RANBP2: variants seen among roughly 807,000 people sequenced by gnomAD.
RANBP2 encodes E3 SUMO-protein ligase RanBP2.
In RANBP2, 57 loss-of-function variants were observed where a neutral mutation model predicts 303.6. That is an observed-to-expected ratio of 0.19 (90% CI 0.15 to 0.23). RANBP2 has a LOEUF of 0.23. Among genes scored for constraint, RANBP2 ranks in the 10% least tolerant of loss-of-function variants. The pLI is 1.00. For synonymous variants in RANBP2, 1,167 were observed against 1,301.5 expected (o/e 0.90, Z 2.23); for missense variants, 3,138 against 3,780.8 (o/e 0.83, Z 4.46).
chr2:108,871,423 T>G, the RANBP2 span, among the ~76,000 whole-genome samples: 1 of 148,370 alleles, frequency 6.7e-6, no homozygotes. Flanking sequence ...CATGATGGTG[T>G]GTGCCTGTAA....
chr2:109,330,505 G>T, the RANBP2 span, among the ~76,000 whole-genome samples: 3 of 152,176 alleles, frequency 2.0e-5, no homozygotes, highest in African/African-American at 7.2e-5. Context: ...GGGGCAGGGG[G>T]TGTCCCCCCT....
the RANBP2 span, among the ~76,000 whole-genome samples, chr2:109,203,221 A>G: frequency 6.6e-6 from 1 of 152,200 alleles, no homozygotes; most frequent in African/African-American, 2.4e-5. Context: ...GAGAGCCAGG[A>G]GCCTCTTCAG....
At chr2:108,873,982 ATATT>A in the RANBP2 span, among the ~76,000 whole-genome samples, 2 of 152,190 alleles carry the variant, frequency 1.3e-5, no homozygotes, top group African/African-American at 4.8e-5. Flanking sequence ...CTAAGACCAC[ATATT>A]TAGTGACAGA....
chr2:109,615,647 C>T, the RANBP2 span: 1 of 1,613,814 alleles, frequency 6.2e-7, no homozygotes, highest in East Asian at 2.2e-5. Context: ...GTCGGAGCAT[C>T]GCCGAGGAGA....
the RANBP2 span, among the ~76,000 whole-genome samples, chr2:109,442,731 C>T: frequency 6.6e-6 from 1 of 151,772 alleles, no homozygotes; most frequent in Non-Finnish European, 1.5e-5. Context: ...AGCAAATAAG[C>T]TAAAAGGGAA....
At chr2:108,975,119 CCTGT>C in the RANBP2 span, among the ~76,000 whole-genome samples, 17 of 152,280 alleles carry the variant, frequency 1.1e-4, no homozygotes, top group East Asian at 3.1e-3. Context: ...CAGCAGGGAC[CCTGT>C]CTGAGGGTGC....
the RANBP2 span, among the ~76,000 whole-genome samples, chr2:109,526,418 G>A: frequency 3.9e-5 from 6 of 152,084 alleles, no homozygotes; most frequent in South Asian, 4.1e-4. Flanking sequence ...AGCAATTCTC[G>A]TGCCTCAGCC....
chr2:109,078,244 CGTGTAT>C, the RANBP2 span, among the ~76,000 whole-genome samples: 814 of 11,548 alleles, frequency 0.07, 183 homozygotes, highest in East Asian at 0.17. Context: ...ATATATATAG[CGTGTAT>C]ATATATATAT....
intron 2 of RANBP2, 137 bp from the exon 3 acceptor site, chr2:108,730,637 C>T: frequency 8.2e-7 from 1 of 1,220,910 alleles, no homozygotes. Flanking sequence ...TCTGAGTTAT[C>T]TGTATGAATA....
At chr2:108,872,996 G>C in the RANBP2 span, among the ~76,000 whole-genome samples, 1 of 151,956 alleles carries the variant, frequency 6.6e-6, no homozygotes, top group Non-Finnish European at 1.5e-5. Flanking sequence ...ATGCTCCAAA[G>C]GTTCTTCCTT....
chr2:108,736,300 T>C (rs1695581387), intron 6 of RANBP2, 51 bp downstream of exon 6: 2 of 1,611,862 alleles, frequency 1.2e-6, no homozygotes, highest in African/African-American at 1.3e-5. Flanking sequence ...GTTTTTCTTT[T>C]TGCAGTAAGT....
the RANBP2 span, among the ~76,000 whole-genome samples, chr2:109,627,554 A>G: frequency 0.39 from 59,655 of 152,156 alleles, 12,838 homozygotes; most frequent in Middle Eastern, 0.57. Context: ...TACATTCTGT[A>G]TATATAATGA....
At chr2:108,786,757 G>T, downstream of RANBP2, 7 of 1,446,446 alleles carry the variant, frequency 4.8e-6, no homozygotes, top group Non-Finnish European at 6.7e-6. Flanking sequence ...GACGCACTGC[G>T]GCCGCGTAGC....
chr2:109,546,201 G>A, the RANBP2 span: 8 of 1,602,612 alleles, frequency 5.0e-6, no homozygotes, highest in Admixed American at 1.4e-4. Flanking sequence ...CTCTCTTCTT[G>A]GTGAAGTCTC....
chr2:108,891,036 C>A, the RANBP2 span, among the ~76,000 whole-genome samples: 1 of 152,028 alleles, frequency 6.6e-6, no homozygotes, highest in Non-Finnish European at 1.5e-5. Context: ...AAATCTATCT[C>A]TTTGATAAAT....
Position 108,719,691 on chromosome 2 carries a change from C to T in RANBP2, c.72+13C>T, listed in dbSNP as rs539100739. 3.1e-6 allele frequency: 5 copies of T among 1,594,252 alleles called. No individual in the cohort carries two copies. Among genetic ancestry groups the T allele is most frequent in the South Asian group, 1.1e-5 (1 of 88,310 alleles). ...GTCGCCTCGACAGGTGAGTGGGTCT[C>T]GAAGAGACCGACGGCCTCGACCTGG... On this transcript the variant is annotated intron_variant, in intron 1 of 28. Transcript: ENST00000283195.
chr2:108,855,499 A>AG, the RANBP2 span, among the ~76,000 whole-genome samples: 1 of 152,106 alleles, frequency 6.6e-6, no homozygotes, highest in Non-Finnish European at 1.5e-5. Context: ...AAAAAAAAAA[A>AG]AGGATGTTTC....
chr2:109,459,068 G>A, the RANBP2 span, among the ~76,000 whole-genome samples: 16 of 152,138 alleles, frequency 1.1e-4, 1 homozygote, highest in South Asian at 1.5e-3. Context: ...GAGTGCATGC[G>A]CCCTTCCCAG....
At chr2:109,622,651 G>A in the RANBP2 span, among the ~76,000 whole-genome samples, 1 of 152,072 alleles carries the variant, frequency 6.6e-6, no homozygotes, top group Non-Finnish European at 1.5e-5. Context: ...CTTTGTTTAG[G>A]CTCACCTCCC....
Sources: gnomAD v4.1 joint callset for allele counts (sites outside exome capture counted in the v4.1 genomes callset) on GRCh38, gnomAD v4.1.1 for gene constraint, MANE v1.5 for transcripts, NCBI Gene and HGNC (gene_info 2026-07-23, HGNC 2026-07-21) for gene names.